IGSF21: variants seen among roughly 807,000 people sequenced by gnomAD.
IGSF21 encodes immunoglobulin superfamily member 21.
Under a neutral mutation model 46.8 loss-of-function variants are expected in IGSF21, and 28 were observed. The ratio of observed to expected loss-of-function variants is 0.60; its 90% CI spans 0.44 to 0.82. The LOEUF is 0.82. Ranked by LOEUF, IGSF21 falls within the 40% of genes least tolerant of loss-of-function variation. The pLI is 0.00. For missense variants in IGSF21, 624 were observed against 665.5 expected (o/e 0.94, Z 0.69); for synonymous variants, 284 against 273.6 (o/e 1.04, Z -0.38).
chr1:18,193,436 C>T (rs538434892), intron 1 of IGSF21, among the ~76,000 whole-genome samples: 22 of 152,240 alleles, frequency 1.4e-4, no homozygotes, highest in African/African-American at 4.3e-4. Flanking sequence ...TTAACTCACA[C>T]GATCACAAGG....
At chr1:18,191,646 G>A (rs934309184) in intron 1 of IGSF21, among the ~76,000 whole-genome samples, 4 of 151,554 alleles carry the variant, frequency 2.6e-5, no homozygotes, top group Admixed American at 2.6e-4. Context: ...TTGCGGGTTG[G>A]GGAAGCCGGG....
intron 4 of IGSF21, among the ~76,000 whole-genome samples, chr1:18,341,429 T>A (rs931702923): frequency 1.8e-4 from 27 of 152,232 alleles, no homozygotes; most frequent in African/African-American, 6.5e-4. Flanking sequence ...GGGACATAAT[T>A]CAACCCACAG....
intron 1 of IGSF21, among the ~76,000 whole-genome samples, chr1:18,121,749 A>G (rs1387925792): frequency 1.3e-5 from 2 of 151,938 alleles, no homozygotes; most frequent in African/African-American, 4.8e-5. Context: ...TGGGTTGCCT[A>G]AGGGGGACAA....
chr1:18,121,648 C>T (rs547451154), intron 1 of IGSF21, among the ~76,000 whole-genome samples: 2 of 152,322 alleles, frequency 1.3e-5, no homozygotes, highest in Admixed American at 1.3e-4. Context: ...ATCTGCCATC[C>T]TCCACCAGCC....
At chr1:18,318,458 G>A (rs1037754650) in intron 3 of IGSF21, among the ~76,000 whole-genome samples, 8 of 96,106 alleles carry the variant, frequency 8.3e-5, no homozygotes, top group Non-Finnish European at 1.5e-4. Flanking sequence ...GCACGTGTGC[G>A]TGCGTGCGTG....
At chr1:18,283,599 G>C (rs1381022281) in intron 2 of IGSF21, among the ~76,000 whole-genome samples, 1 of 152,138 alleles carries the variant, frequency 6.6e-6, no homozygotes, top group Admixed American at 6.6e-5. Context: ...CCCCTACACA[G>C]CAGGCGGCCA....
intron 4 of IGSF21, among the ~76,000 whole-genome samples, chr1:18,342,819 T>A (rs1012678688): frequency 1.3e-5 from 2 of 152,260 alleles, no homozygotes; most frequent in Non-Finnish European, 2.9e-5. Flanking sequence ...GATCGCGTTT[T>A]GTTTATGCAT....
chr1:18,359,525 C>G (rs1382252689), intron 4 of IGSF21, among the ~76,000 whole-genome samples: 4 of 138,940 alleles, frequency 2.9e-5, no homozygotes, highest in Admixed American at 1.5e-4. Context: ...AAGCAATCCT[C>G]TCCTCTCAGG....
Position 18,370,965 on chromosome 1 carries a change from C to T in IGSF21, c.1015+5268C>T, listed in dbSNP as rs575392567. ...AGGTAGAACAATCAGAATTCTCATG[C>T]TTTGCTGACTGCAGAATAAAATGGT... On this transcript the variant is annotated intron_variant, in intron 6 of 9. Coordinates refer to ENST00000251296, the MANE Select transcript of IGSF21 (RefSeq NM_032880.5). 7.2e-5 allele frequency among the ~76,000 whole-genome samples: 11 copies of T among 152,320 alleles called. No homozygotes were observed. The East Asian group carries it at 2.1e-3, about 29-fold the overall frequency.
At chr1:18,363,451 AG>A (rs2086124532) in intron 5 of IGSF21, among the ~76,000 whole-genome samples, 1 of 150,632 alleles carries the variant, frequency 6.6e-6, no homozygotes, top group African/African-American at 2.4e-5. Flanking sequence ...ACAGAGACAC[AG>A]GTGGGGCAGC....
intron 1 of IGSF21, among the ~76,000 whole-genome samples, chr1:18,215,858 T>C (rs916415719): frequency 2.0e-5 from 3 of 152,154 alleles, no homozygotes; most frequent in African/African-American, 4.8e-5. Flanking sequence ...TCCACATTGT[T>C]CCAGGGCTCC....
intron 3 of IGSF21, among the ~76,000 whole-genome samples, chr1:18,312,225 T>C (rs923475026): frequency 5.3e-5 from 8 of 152,184 alleles, no homozygotes; most frequent in Non-Finnish European, 1.5e-5. Context: ...TGCATATCTG[T>C]TGAATGAATG....
intron 2 of IGSF21, among the ~76,000 whole-genome samples, chr1:18,277,727 A>C (rs2085116544): frequency 6.6e-6 from 1 of 152,222 alleles, no homozygotes; most frequent in Admixed American, 6.5e-5. Context: ...CACACACAGC[A>C]GGGGTGGATC....
chr1:18,256,428 G>A (rs223180), intron 2 of IGSF21, among the ~76,000 whole-genome samples: 19,598 of 152,188 alleles, frequency 0.13, 1,372 homozygotes, highest in Middle Eastern at 0.21. Flanking sequence ...CAAGGAAAGC[G>A]TACAGCTGTC....
chr1:18,356,469 C>A (rs2086020001), intron 4 of IGSF21, among the ~76,000 whole-genome samples: 1 of 152,216 alleles, frequency 6.6e-6, no homozygotes, highest in African/African-American at 2.4e-5. Context: ...CCACCTGGAT[C>A]TCCTGTGAAT....
At chr1:18,338,407 T>G (rs565939757) in intron 4 of IGSF21, among the ~76,000 whole-genome samples, 1 of 152,272 alleles carries the variant, frequency 6.6e-6, no homozygotes, top group East Asian at 1.9e-4. Flanking sequence ...GGGTCTCTTT[T>G]GTGCCACACG....
chr1:18,290,339 A>G lies in IGSF21; in HGVS notation c.184-1527A>G. On this transcript the variant is annotated intron_variant, in intron 2 of 9. Transcript: ENST00000251296. This position sits in a 1 kb window ranked among gnomAD's most constrained non-coding sequence, Gnocchi z 4.2. ...GAGGGGAAGAAAGTGACGCGTGTAC[A>G]TGTCGCTAAGTCCCGACAGAGATAG... Among the ~76,000 whole-genome samples the G allele has an allele frequency of 6.6e-6, 1 of 152,146 alleles. No individual in the cohort carries two copies. Among genetic ancestry groups the G allele is most frequent in the East Asian group, 1.9e-4 (1 of 5,196 alleles).
intron 1 of IGSF21, among the ~76,000 whole-genome samples, chr1:18,132,238 C>A (rs1158136131): frequency 6.6e-6 from 1 of 152,096 alleles, no homozygotes; most frequent in Non-Finnish European, 1.5e-5. Flanking sequence ...TGACCTATGA[C>A]CTATGACCTA....
chr1:18,155,828 G>C (rs2124438211), intron 1 of IGSF21, among the ~76,000 whole-genome samples: 1 of 152,336 alleles, frequency 6.6e-6, no homozygotes, highest in African/African-American at 2.4e-5. Context: ...CCTGGGCGCT[G>C]ACCTGGGGTG....
Sources: gnomAD v4.1 joint callset for allele counts (sites outside exome capture counted in the v4.1 genomes callset) on GRCh38, gnomAD v4.1.1 for gene constraint, Gnocchi (gnomAD v3.1) non-coding constraint, MANE v1.5 for transcripts, NCBI Gene and HGNC (gene_info 2026-07-23, HGNC 2026-07-21) for gene names.